Variants in PALM2AKAP2 observed in about 807,000 individuals in gnomAD.
The protein encoded by PALM2AKAP2 is PALM2 and AKAP2 fusion, also known as PALM2-AKAP2 fusion protein.
Under a neutral mutation model 71.5 loss-of-function variants are expected in PALM2AKAP2, and 37 were observed. The ratio of observed to expected loss-of-function variants is 0.52; its 90% confidence interval spans 0.40 to 0.68. The LOEUF is 0.68. Ranked by LOEUF, PALM2AKAP2 falls within the 30% of genes least tolerant of loss-of-function variation. The pLI is 0.00. For missense variants in PALM2AKAP2, 1,224 were observed against 1,191.8 expected (o/e 1.03, Z -0.40); for synonymous variants, 468 against 478.8 (o/e 0.98, Z 0.29).
intron 1 of PALM2AKAP2, among the ~76,000 whole-genome samples, chr9:110,084,760 G>C (rs909906092): frequency 6.6e-6 from 1 of 151,834 alleles, no homozygotes; most frequent in African/African-American, 2.4e-5. Context: ...TTTTGAGACG[G>C]AGTCTCGCTC....
chr9:109,865,992 T>C (rs982360799), intron 1 of PALM2AKAP2, among the ~76,000 whole-genome samples: 5 of 152,242 alleles, frequency 3.3e-5, no homozygotes, highest in African/African-American at 7.2e-5. Flanking sequence ...TTATGCACCA[T>C]TGATTGGAGT....
chr9:109,727,477 A>G (rs866999211), intron 1 of PALM2AKAP2, among the ~76,000 whole-genome samples: 41 of 36,372 alleles, frequency 1.1e-3, no homozygotes, highest in Middle Eastern at 0.014. Context: ...ACAACATTAA[A>G]AAATTATTTT....
chr9:110,003,628 G>T (rs994207039), intron 6 of PALM2AKAP2, among the ~76,000 whole-genome samples: 70 of 152,130 alleles, frequency 4.6e-4, no homozygotes, highest in Admixed American at 4.4e-3. Flanking sequence ...TTGACAGTGG[G>T]GTGTTAAATC....
At chr9:110,059,909 T>C (rs1222390283) in intron 1 of PALM2AKAP2, among the ~76,000 whole-genome samples, 13 of 152,232 alleles carry the variant, frequency 8.5e-5, no homozygotes, top group Non-Finnish European at 2.9e-5. Context: ...CATCGATTTT[T>C]AGTACAGTAA....
chr9:109,841,284 C>G (rs1195244981), intron 1 of PALM2AKAP2, among the ~76,000 whole-genome samples: 1 of 146,962 alleles, frequency 6.8e-6, no homozygotes, highest in Admixed American at 6.9e-5. Flanking sequence ...CCAAACACCG[C>G]ATGTTCTCAC....
intron 3 of PALM2AKAP2, among the ~76,000 whole-genome samples, chr9:109,915,360 A>G (rs560721182): frequency 6.6e-6 from 1 of 152,340 alleles, no homozygotes; most frequent in South Asian, 2.1e-4. Context: ...ATTAAGTTCA[A>G]TGGCTTCTAC....
At position 110,116,481 on chromosome 9, in the gene PALM2AKAP2, A is replaced by G. The variant is rs1205328247; in HGVS notation, c.157-19646A>G. On this transcript the variant is annotated intron_variant, in intron 1 of 3. Transcript: ENST00000374525. ...TTGACTCTCCTGTACATTTAAGTTA[A>G]ATGGAACAAAAAAAAATGACTATTG... is the stretch of plus-strand genomic sequence containing the variant. Among the ~76,000 whole-genome samples, 3 of 152,172 alleles carry G rather than the reference A, an allele frequency of 2.0e-5. No homozygotes were observed. The East Asian group carries it at 5.8e-4, about 29-fold the overall frequency.
intron 1 of PALM2AKAP2, among the ~76,000 whole-genome samples, chr9:109,848,016 T>G (rs1264338343): frequency 6.6e-6 from 1 of 152,224 alleles, no homozygotes; most frequent in African/African-American, 2.4e-5. Flanking sequence ...CCCATTGGCT[T>G]ATAAACTTGT....
chr9:109,975,385 T>G (rs1012719020), intron 6 of PALM2AKAP2, among the ~76,000 whole-genome samples: 1 of 152,184 alleles, frequency 6.6e-6, no homozygotes, highest in Non-Finnish European at 1.5e-5. Context: ...CTTCCTCCAC[T>G]TTTGTGTTCT....
At chr9:109,769,108 A>G (rs951646444) in intron 1 of PALM2AKAP2, among the ~76,000 whole-genome samples, 2 of 150,748 alleles carry the variant, frequency 1.3e-5, no homozygotes, top group Admixed American at 6.6e-5. Context: ...CCATAAAAAT[A>G]GTAGTTTTTA....
intron 1 of PALM2AKAP2, among the ~76,000 whole-genome samples, chr9:109,794,242 A>ATGTTGTTGT (rs920580679): frequency 6.6e-6 from 1 of 151,900 alleles, no homozygotes; most frequent in Non-Finnish European, 1.5e-5. Context: ...AGCCAACTGC[A>ATGTTGTTGT]TGTTGTTGTT....
At chr9:109,987,720 C>G (rs1832407797) in intron 6 of PALM2AKAP2, among the ~76,000 whole-genome samples, 1 of 152,200 alleles carries the variant, frequency 6.6e-6, no homozygotes, top group Non-Finnish European at 1.5e-5. Context: ...GTGACATCCT[C>G]AAGGGCCCAG....
chr9:109,912,906 A>C (rs887487862), intron 3 of PALM2AKAP2, among the ~76,000 whole-genome samples: 1 of 152,196 alleles, frequency 6.6e-6, no homozygotes, highest in Non-Finnish European at 1.5e-5. Context: ...TTATTCTTTG[A>C]GTCACTTCTC....
At chr9:109,966,017 T>C (rs1301954775) in intron 6 of PALM2AKAP2, among the ~76,000 whole-genome samples, 2 of 152,102 alleles carry the variant, frequency 1.3e-5, no homozygotes, top group African/African-American at 4.8e-5. Context: ...GGGGACCCGG[T>C]GATGATGTTG....
intron 1 of PALM2AKAP2, among the ~76,000 whole-genome samples, chr9:110,109,415 A>G (rs972110550): frequency 6.7e-6 from 1 of 150,108 alleles, no homozygotes; most frequent in Non-Finnish European, 1.5e-5. Context: ...CATGTTTCGG[A>G]GGTCATGTTT....
At position 109,767,768 on chromosome 9, in the gene PALM2AKAP2, A is replaced by G. The variant is rs542284939; in HGVS notation, c.6-12720A>G. Among the ~76,000 whole-genome samples, 665 of 152,238 alleles carry G rather than the reference A, an allele frequency of 4.4e-3. 3 individuals carry two copies. Among genetic ancestry groups the G allele is most frequent in the Non-Finnish European group, 7.6e-3 (520 of 68,020 alleles). On this transcript the variant is annotated intron_variant, in intron 1 of 6. Transcript: ENST00000374531. ...TCTCCCCTTAGTGTTGGCTTGCTTC[A>G]GAGCATTCCTAAGTTACAGTGTGCA...
At chr9:109,738,026 T>C (rs1167206720) in intron 1 of PALM2AKAP2, among the ~76,000 whole-genome samples, 7 of 152,228 alleles carry the variant, frequency 4.6e-5, no homozygotes, top group Admixed American at 1.3e-4. Flanking sequence ...ACAATCATTA[T>C]ATATTTGGCC....
intron 1 of PALM2AKAP2, among the ~76,000 whole-genome samples, chr9:110,119,459 C>T (rs1163515779): frequency 6.6e-6 from 1 of 151,688 alleles, no homozygotes; most frequent in African/African-American, 2.4e-5. Flanking sequence ...GTGTATAGAT[C>T]ATTTTCTACG....
chr9:110,042,149 G>C (rs1471219318), intron 7 of PALM2AKAP2, among the ~76,000 whole-genome samples: 3 of 152,186 alleles, frequency 2.0e-5, no homozygotes, highest in African/African-American at 4.8e-5. Flanking sequence ...TATGGGGGCC[G>C]GATGCGGTGG....
Sources: gnomAD v4.1 joint callset for allele counts (sites outside exome capture counted in the v4.1 genomes callset) on GRCh38, gnomAD v4.1.1 for gene constraint, MANE v1.5 for transcripts, NCBI Gene and HGNC (gene_info 2026-07-23, HGNC 2026-07-21) for gene names.